ACOX3: variants seen among roughly 807,000 people sequenced by gnomAD.
ACOX3 encodes acyl-CoA oxidase 3, pristanoyl, also known as peroxisomal acyl-coenzyme A oxidase 3.
ACOX3 carries 73 observed loss-of-function variants against 81.5 expected under a neutral mutation model. The observed-to-expected ratio is 0.90, with a 90% CI of 0.74 to 1.09. The LOEUF is 1.09. Among genes scored for constraint, ACOX3 ranks in the 50% least tolerant of loss-of-function variants. The probability of loss-of-function intolerance (pLI) is 0.00; values close to 1 mark genes in which losing one functional copy is unlikely to be tolerated. For missense variants in ACOX3, 947 were observed against 928.0 expected (o/e 1.02, Z -0.27); for synonymous variants, 387 against 375.1 (o/e 1.03, Z -0.37).
At chr4:8,365,595 C>A (rs1016519732), downstream of ACOX3, among the ~76,000 whole-genome samples, 1 of 152,214 alleles carries the variant, frequency 6.6e-6, no homozygotes, top group African/African-American at 2.4e-5. Flanking sequence ...GCAGATGCAG[C>A]AAACGGCACA....
chr4:8,377,906 G>A (rs575144110), intron 14 of ACOX3, among the ~76,000 whole-genome samples: 54 of 152,234 alleles, frequency 3.5e-4, no homozygotes, highest in Non-Finnish European at 6.9e-4. Context: ...GAGTGCTCAC[G>A]GCACCCAGAC....
At chr4:8,356,542 G>T in the ACOX3 span, 1 of 455,934 alleles carries the variant, frequency 2.2e-6, no homozygotes, top group Non-Finnish European at 4.4e-6. Context: ...CACAGAGTAT[G>T]ACCCATTTCT....
At position 8,414,189 on chromosome 4, in the gene ACOX3, T is replaced by G; in HGVS notation, c.543+103A>C. On this transcript the variant is annotated intron_variant, in intron 5 of 17. Coordinates refer to ENST00000356406, the MANE Select transcript of ACOX3 (RefSeq NM_003501.3). This position sits in a 1 kb window ranked among gnomAD's most constrained non-coding sequence, Gnocchi z 6.1. Reference sequence around the variant, plus strand: ...CTACACAAGTGTATGTGGACAGGCCTCTTGCTTTAATGTTTTTTTTTTCTT... The same window carrying G: ...CTACACAAGTGTATGTGGACAGGCCGCTTGCTTTAATGTTTTTTTTTTCTT... The G allele has an allele frequency of 9.9e-7, 1 of 1,011,418 alleles. No individual in the cohort carries two copies. The highest frequency in any genetic ancestry group is 1.4e-5 in the South Asian group (1 of 72,326). 62.7% of individuals were successfully genotyped at this position (1,011,418 alleles called of 1,614,324 possible).
chr4:8,381,004 CAT>C lies in ACOX3; in HGVS notation c.1653+486_1653+487del, dbSNP rs1717580011. 6.6e-6 allele frequency among the ~76,000 whole-genome samples: 1 copy of C among 152,186 alleles called. No homozygotes were observed. Among genetic ancestry groups the C allele is most frequent in the Non-Finnish European group, 1.5e-5 (1 of 68,032 alleles). On this transcript the variant is annotated intron_variant, in intron 14 of 17. Coordinates refer to ENST00000356406, the MANE Select transcript of ACOX3 (RefSeq NM_003501.3). This position sits in a 1 kb window ranked among gnomAD's most constrained non-coding sequence, Gnocchi z 4.3. ...ATTTTTTCCCTGTGGCTTCCTGGAA[CAT>C]GAGAGACAGCCCTGTCCAAGTGTGA...
intron 14 of ACOX3, among the ~76,000 whole-genome samples, chr4:8,380,560 G>T (rs1717510286): frequency 6.6e-6 from 1 of 152,164 alleles, no homozygotes; most frequent in African/African-American, 2.4e-5. Context: ...GGGCAGGTGT[G>T]TCTAGCAGGT....
downstream of ACOX3, among the ~76,000 whole-genome samples, chr4:8,363,618 T>C (rs1715276844): frequency 6.6e-6 from 1 of 152,152 alleles, no homozygotes; most frequent in South Asian, 2.1e-4. Flanking sequence ...CCATCTTGAA[T>C]AGGAGCTGGG....
rs548975985 is a variant in ACOX3 at position 8,440,514 on chromosome 4, C to A, written c.-15+134G>T. Reference sequence around the variant, plus strand: ...TCTTTTACGTTCACAAACTTAGGCTCCCTGACTTTTATCGGTAATCAGTAC... The same window carrying A: ...TCTTTTACGTTCACAAACTTAGGCTACCTGACTTTTATCGGTAATCAGTAC... On this transcript the variant is annotated intron_variant, in intron 1 of 17. Transcript: ENST00000356406. The A allele has an allele frequency of 1.2e-4, 37 of 309,230 alleles. No homozygotes were observed. The East Asian group carries it at 1.9e-3, about 16-fold the overall frequency. The allele number at this position is 309,230 out of a possible 1,614,324, so 19.2% of individuals were successfully genotyped here.
chr4:8,367,159 G>C (rs1715561645), intron 17 of ACOX3, 79 bp from the exon 18 acceptor site: 2 of 1,551,890 alleles, frequency 1.3e-6, no homozygotes, highest in Non-Finnish European at 1.8e-6. Flanking sequence ...GTGTGCAAAT[G>C]CAACTCCTCA....
Position 8,405,659 on chromosome 4 carries a change from C to A in ACOX3, c.776+296G>T, listed in dbSNP as rs1720851690. Reference sequence around the variant, plus strand: ...GACCTCACACAGAGGAGGCAGCCCCCCAGGCAGGGGCCCCACCAGTTGTAC... The same window carrying A: ...GACCTCACACAGAGGAGGCAGCCCCACAGGCAGGGGCCCCACCAGTTGTAC... On this transcript the variant is annotated intron_variant, in intron 7 of 17. Coordinates refer to ENST00000356406, the MANE Select transcript of ACOX3 (RefSeq NM_003501.3). This position sits in a 1 kb window ranked among gnomAD's most constrained non-coding sequence, Gnocchi z 7.1. 6.6e-6 allele frequency among the ~76,000 whole-genome samples: 1 copy of A among 152,322 alleles called. No individual in the cohort carries two copies. Among genetic ancestry groups the A allele is most frequent in the South Asian group, 2.1e-4 (1 of 4,826 alleles).
chr4:8,413,944 C>T (rs766021306), intron 5 of ACOX3, among the ~76,000 whole-genome samples: 6 of 152,232 alleles, frequency 3.9e-5, no homozygotes, highest in Admixed American at 1.3e-4. Flanking sequence ...GTAGAAACCA[C>T]GGGCCATGAG....
rs1165548506 is a variant in ACOX3, at chr4:8,386,325, G to A, written c.1537+2848C>T. Among the ~76,000 whole-genome samples, 1 of 152,084 alleles carries A rather than the reference G, an allele frequency of 6.6e-6. No homozygotes were observed. The highest frequency in any genetic ancestry group is 1.5e-5 in the Non-Finnish European group (1 of 68,018). On this transcript the variant is annotated intron_variant, in intron 13 of 17. Coordinates refer to ENST00000356406, the MANE Select transcript of ACOX3 (RefSeq NM_003501.3). The surrounding 1 kb of genome is among the most constrained non-coding windows in gnomAD (Gnocchi z 5.2). The stretch of plus-strand genomic sequence containing the variant: ...CTCATGCCTGTGATCCCAGCACTTC[G>A]GGAGGCCAAGGTGGGCGGATCACGA...
rs1325565121 is a variant in ACOX3, at chr4:8,386,629, GTTTCCCAC to G, written c.1537+2536_1537+2543del. Among the ~76,000 whole-genome samples the G allele has an allele frequency of 2.4e-4, 37 of 151,730 alleles. No individual in the cohort carries two copies. The highest frequency in any genetic ancestry group is 4.1e-4 in the Non-Finnish European group (28 of 67,966). ...GAAATAGGTCATCAAACGTGTCCCC[GTTTCCCAC>G]TGGCACCCAAAAAGGCAGGCTAAGA... On this transcript the variant is annotated intron_variant, in intron 13 of 17. Coordinates refer to ENST00000356406, the MANE Select transcript of ACOX3 (RefSeq NM_003501.3). The surrounding 1 kb of genome is among the most constrained non-coding windows in gnomAD (Gnocchi z 5.2).
In ACOX3 at chr4:8,386,273, A is replaced by G. The variant is rs767848246; in HGVS notation, c.1537+2900T>C. Among the ~76,000 whole-genome samples, 2 of 152,210 alleles carry G rather than the reference A, an allele frequency of 1.3e-5. No homozygotes were observed. The highest frequency in any genetic ancestry group is 2.9e-5 in the Non-Finnish European group (2 of 68,040). ...CTGTGGCAACATTTGGGAAGCTTAG[A>G]AAGTGACTTGCGGCCGGGCGTGGTG... On this transcript the variant is annotated intron_variant, in intron 13 of 17. Transcript: ENST00000356406. The surrounding 1 kb of genome is among the most constrained non-coding windows in gnomAD (Gnocchi z 5.2).
rs965281163 is a variant in ACOX3 at position 8,394,045 on chromosome 4, T to G, written c.1179+575A>C. Among the ~76,000 whole-genome samples the G allele has an allele frequency of 2.0e-5, 3 of 152,262 alleles. No individual in the cohort carries two copies. Among genetic ancestry groups the G allele is most frequent in the Admixed American group, 6.5e-5 (1 of 15,294 alleles). ...TCTGATGTTGTACATAACAGCAATC[T>G]GTGGCGTTTCTCCTCTGCTTTCAAA... On this transcript the variant is annotated intron_variant, in intron 10 of 17. Transcript: ENST00000356406. The surrounding 1 kb of genome is among the most constrained non-coding windows in gnomAD (Gnocchi z 5.9).
Position 8,405,712 on chromosome 4 carries a change from G to GT in ACOX3, c.776+242dup, listed in dbSNP as rs1305452381. 6.6e-6 allele frequency among the ~76,000 whole-genome samples: 1 copy of GT among 152,238 alleles called. No homozygotes were observed. The highest frequency in any genetic ancestry group is 6.5e-5 in the Admixed American group (1 of 15,284). On this transcript the variant is annotated intron_variant, in intron 7 of 17. Transcript: ENST00000356406. The surrounding 1 kb of genome is among the most constrained non-coding windows in gnomAD (Gnocchi z 7.1). ...AGAGGTCTGGGTCTGATCTGAGAGT[G>GT]TGGAGCCGCCTGCCAAGGTGAAGCT... is the stretch of plus-strand genomic sequence containing the variant.
At chr4:8,427,636 A>G (rs1278344121) in intron 1 of ACOX3, among the ~76,000 whole-genome samples, 4 of 152,340 alleles carry the variant, frequency 2.6e-5, no homozygotes, top group East Asian at 3.9e-4. Context: ...TAATAGAGCT[A>G]TAACACTCAC....
intron 1 of ACOX3, among the ~76,000 whole-genome samples, chr4:8,428,784 T>TA (rs913721834): frequency 5.3e-4 from 81 of 152,304 alleles, no homozygotes; most frequent in African/African-American, 1.9e-3. Context: ...ATTTTCAAAT[T>TA]AATCAGCAGG....
chr4:8,410,435 T>C (rs749055583), intron 5 of ACOX3, 80 bp from the exon 6 acceptor site: 21 of 1,533,122 alleles, frequency 1.4e-5, no homozygotes, highest in Admixed American at 7.1e-5. Flanking sequence ...TTAGACAGAT[T>C]CCATTTTCTA....
downstream of ACOX3, among the ~76,000 whole-genome samples, chr4:8,361,891 A>G (rs1328329917): frequency 1.3e-5 from 2 of 152,242 alleles, no homozygotes; most frequent in African/African-American, 4.8e-5. Context: ...TGTTATTTGT[A>G]TAAATGTGTT....
Sources: gnomAD v4.1 joint callset for allele counts (sites outside exome capture counted in the v4.1 genomes callset) on GRCh38, gnomAD v4.1.1 for gene constraint, Gnocchi (gnomAD v3.1) non-coding constraint, MANE v1.5 for transcripts, NCBI Gene and HGNC (gene_info 2026-07-23, HGNC 2026-07-21) for gene names.